FRMD3: variants seen among roughly 807,000 people sequenced by gnomAD.
FRMD3 encodes the protein FERM domain-containing protein 3.
In FRMD3, 33 loss-of-function variants were observed where a neutral mutation model predicts 70.2. The observed-to-expected ratio is 0.47, with a 90% CI of 0.36 to 0.63. The LOEUF (loss-of-function observed/expected upper bound fraction) is 0.63, where lower values mean the gene tolerates loss of function less well. FRMD3 is among the 20% of genes least tolerant of loss of function. The pLI is 0.00. For missense variants in FRMD3, 632 were observed against 711.4 expected (o/e 0.89, Z 1.27); for synonymous variants, 279 against 255.9 (o/e 1.09, Z -0.86).
At position 83,416,305 on chromosome 9, in the gene FRMD3, G is replaced by A. The variant is rs548277551; in HGVS notation, c.148-26597C>T. Among the ~76,000 whole-genome samples the A allele has an allele frequency of 3.3e-5, 5 of 152,296 alleles. No homozygotes were observed. The East Asian group carries it at 5.8e-4, about 18-fold the overall frequency. On this transcript the variant is annotated intron_variant, in intron 1 of 13. Transcript: ENST00000304195. ...AAGAAGCACACTTATGGATTCTTGC[G>A]TTTCACAAGCCTCCATCTACAAGGT...
At chr9:83,273,092 A>T (rs1833662111) in intron 13 of FRMD3, among the ~76,000 whole-genome samples, 1 of 151,924 alleles carries the variant, frequency 6.6e-6, no homozygotes, top group African/African-American at 2.4e-5. Context: ...CTGGGAAGTG[A>T]GGAGCCCCTC....
rs181596951 is a variant in FRMD3 at position 83,323,794 on chromosome 9, T to G, written c.597-10047A>C. Among the ~76,000 whole-genome samples the G allele has an allele frequency of 6.5e-3, 993 of 152,376 alleles. 8 individuals carry two copies. The highest frequency in any genetic ancestry group is 0.022 in the African/African-American group (921 of 41,586). ...ATTCTATTTCTATGGCTTTCAAAAA[T>G]GAGCAAAGCAAAACTAATGTGTTAA... On this transcript the variant is annotated intron_variant, in intron 6 of 13. Coordinates refer to ENST00000304195, the MANE Select transcript of FRMD3 (RefSeq NM_174938.6).
chr9:83,324,587 A>G (rs1304134129), intron 6 of FRMD3, among the ~76,000 whole-genome samples: 5 of 152,230 alleles, frequency 3.3e-5, no homozygotes, highest in Non-Finnish European at 7.3e-5. Flanking sequence ...GCAGTCCACA[A>G]GGACCCCCAA....
intron 3 of FRMD3, 108 bp downstream of exon 3, chr9:83,372,795 CACACCCCCCA>C (rs1374722276): frequency 2.0e-5 from 18 of 906,910 alleles, no homozygotes; most frequent in Non-Finnish European, 3.1e-5. Context: ...GAGAAGCCCC[CACACCCCCCA>C]ACACCTCTTC....
chr9:83,503,026 C>T (rs995388502), intron 1 of FRMD3, among the ~76,000 whole-genome samples: 13 of 152,070 alleles, frequency 8.5e-5, no homozygotes, highest in Non-Finnish European at 1.3e-4. Context: ...GTGTAATTAG[C>T]AGTAGTACTG....
intron 1 of FRMD3, among the ~76,000 whole-genome samples, chr9:83,436,660 G>A (rs1159542857): frequency 6.6e-6 from 1 of 151,784 alleles, no homozygotes; most frequent in Non-Finnish European, 1.5e-5. Context: ...TTAACACTCT[G>A]TCCTGGACCT....
intron 2 of FRMD3, among the ~76,000 whole-genome samples, chr9:83,379,804 T>C (rs7021336): frequency 0.033 from 4,985 of 152,230 alleles, 288 homozygotes; most frequent in African/African-American, 0.11. Context: ...CTATCAGATG[T>C]GGTAGTATAA....
chr9:83,439,832 T>A (rs1827245564), intron 1 of FRMD3, among the ~76,000 whole-genome samples: 1 of 152,314 alleles, frequency 6.6e-6, no homozygotes, highest in South Asian at 2.1e-4. Context: ...AAGTTAGCAG[T>A]AAGCAGTAAG....
Position 83,538,332 on chromosome 9 carries a change from C to T in FRMD3, c.-101G>A. On this transcript the variant is annotated 5_prime_UTR_variant, in exon 1 of 14. Coordinates refer to ENST00000304195, the MANE Select transcript of FRMD3 (RefSeq NM_174938.6). This position sits in a 1 kb window ranked among gnomAD's most constrained non-coding sequence, Gnocchi z 4.7. ...ACGCACTGTCCGGGACACCTGGGCG[C>T]GGCTCAGCCCCGGGACATCGGCAGC... The T allele has an allele frequency of 8.7e-7, 1 of 1,144,414 alleles. No individual in the cohort carries two copies. The highest frequency in any genetic ancestry group is 1.1e-6 in the Non-Finnish European group (1 of 883,948). 70.9% of individuals were successfully genotyped at this position (1,144,414 alleles called of 1,614,324 possible). A position where few individuals can be genotyped will look rare whatever the true frequency, so the allele number is the denominator to read the frequency against.
At chr9:83,393,378 A>G (rs1002147352) in intron 1 of FRMD3, among the ~76,000 whole-genome samples, 1 of 152,242 alleles carries the variant, frequency 6.6e-6, no homozygotes, top group Non-Finnish European at 1.5e-5. Context: ...TGGTCCTCCA[A>G]GACAGCAGTC....
At chr9:83,403,808 C>T (rs760123223) in intron 1 of FRMD3, among the ~76,000 whole-genome samples, 3 of 152,104 alleles carry the variant, frequency 2.0e-5, no homozygotes, top group Admixed American at 1.3e-4. Context: ...GGTCGAATGA[C>T]CTTCTAGAAA....
At chr9:83,249,278 A>T (rs1832290124) in intron 13 of FRMD3, among the ~76,000 whole-genome samples, 1 of 152,166 alleles carries the variant, frequency 6.6e-6, no homozygotes, top group Admixed American at 6.5e-5. Flanking sequence ...GAAATTGCTT[A>T]ATCAAAGGGT....
intron 1 of FRMD3, among the ~76,000 whole-genome samples, chr9:83,452,700 T>C (rs1827701280): frequency 6.6e-6 from 1 of 152,072 alleles, no homozygotes; most frequent in South Asian, 2.1e-4. Flanking sequence ...GCCAGGATGG[T>C]CTCCATCTCC....
intron 1 of FRMD3, among the ~76,000 whole-genome samples, chr9:83,477,705 G>A (rs540914539): frequency 7.0e-4 from 106 of 152,228 alleles, no homozygotes; most frequent in African/African-American, 2.5e-3. Flanking sequence ...TCTTGCTCCA[G>A]TGCTTCCAGA....
intron 8 of FRMD3, among the ~76,000 whole-genome samples, chr9:83,311,282 G>C (rs1460388982): frequency 8.1e-6 from 1 of 123,214 alleles, no homozygotes; most frequent in East Asian, 2.9e-4. Flanking sequence ...ACTGAGAATG[G>C]CAGAGAAAAA....
intron 1 of FRMD3, among the ~76,000 whole-genome samples, chr9:83,437,570 C>T (rs931854330): frequency 2.0e-5 from 3 of 152,140 alleles, no homozygotes; most frequent in Admixed American, 6.5e-5. Flanking sequence ...CAAAATATCA[C>T]GAAGCCTAGG....
intron 1 of FRMD3, among the ~76,000 whole-genome samples, chr9:83,475,437 G>A (rs1211947319): frequency 6.6e-6 from 1 of 151,994 alleles, no homozygotes; most frequent in South Asian, 2.1e-4. Context: ...AATAGAAAAT[G>A]CCCAGGGTAA....
intron 6 of FRMD3, among the ~76,000 whole-genome samples, 167 bp downstream of exon 6, chr9:83,335,349 G>A (rs1017094538): frequency 7.9e-5 from 12 of 152,188 alleles, no homozygotes; most frequent in African/African-American, 2.9e-4. Context: ...TATTGACGGA[G>A]GACACCAGGG....
chr9:83,318,760 C>T lies in FRMD3; in HGVS notation c.597-5013G>A, dbSNP rs192571378. Among the ~76,000 whole-genome samples, 24 of 152,278 alleles carry T rather than the reference C, an allele frequency of 1.6e-4. No homozygotes were observed. The East Asian group carries it at 4.0e-3, about 26-fold the overall frequency. ...CAAAAAGTTGTTTTAATTTACATTC[C>T]TACCAACAGTTATAAGTGTTTTCTT... On this transcript the variant is annotated intron_variant, in intron 6 of 13. Transcript: ENST00000304195.
Sources: allele counts gnomAD v4.1 joint callset (sites outside exome capture counted in the v4.1 genomes callset), GRCh38; gene constraint gnomAD v4.1.1; non-coding constraint Gnocchi (gnomAD v3.1); transcripts MANE v1.5; gene names NCBI Gene and HGNC (gene_info 2026-07-23, HGNC 2026-07-21).